TMEM67: variants seen among roughly 807,000 people sequenced by gnomAD.
TMEM67 encodes meckelin.
A neutral mutation model predicts 136.6 loss-of-function variants in TMEM67; 124 were observed. The observed-to-expected ratio is 0.91, with a 90% CI of 0.78 to 1.05. The LOEUF (loss-of-function observed/expected upper bound fraction) is 1.05. Ranked by LOEUF, TMEM67 falls within the 50% of genes least tolerant of loss-of-function variation. The pLI is 0.00. For synonymous variants in TMEM67, 364 were observed against 390.5 expected (o/e 0.93, Z 0.80); for missense variants, 1,107 against 1,178.4 (o/e 0.94, Z 0.89).
chr8:93,792,343 T>C (rs924010808), intron 15 of TMEM67, among the ~76,000 whole-genome samples: 5 of 151,980 alleles, frequency 3.3e-5, no homozygotes, highest in African/African-American at 1.2e-4. Flanking sequence ...AGCTAATTTT[T>C]TAATATTTTT....
Position 93,780,923 on chromosome 8 carries a change from C to A in TMEM67, c.919C>A (p.Pro307Thr). 6.2e-7 allele frequency: 1 copy of A among 1,612,406 alleles called. No homozygotes were observed. Among genetic ancestry groups the A allele is most frequent in the Non-Finnish European group, 8.5e-7 (1 of 1,179,840 alleles). The change falls in exon 9 of 28, where the codon CCT (proline) becomes ACT (threonine). Residue 307 changes from proline (P) to threonine (T), a missense_variant. Physicochemically the swap from Pro to Thr is conservative, Grantham distance 38 (BLOSUM62 -1). This residue lies in a region of TMEM67 where 925 missense variants were observed against 1,002.4 expected (regional missense o/e 0.92). Coordinates refer to ENST00000453321, the MANE Select transcript of TMEM67 (RefSeq NM_153704.6). ...TTATGGAGACCAGTTAGGATTAGCA[C>A]CTCAAGTGCTCAGTTCTACCTCTCT... ...LFYGDQLGLA[P>T]QVLSSTSLPT...
chr8:93,765,782 T>C, intron 6 of TMEM67, 136 bp downstream of exon 6: 1 of 705,826 alleles, frequency 1.4e-6, no homozygotes, highest in South Asian at 1.6e-5. Flanking sequence ...TAAGAAACAT[T>C]AGTCTAATAA....
intron 4 of TMEM67, 83 bp from the exon 5 acceptor site, chr8:93,765,323 C>G: frequency 9.4e-7 from 1 of 1,068,802 alleles, no homozygotes; most frequent in East Asian, 2.6e-5. Context: ...CTACTCTAAT[C>G]CATTGTTTAG....
At chr8:93,822,922 T>C (rs1453597496), downstream of TMEM67, among the ~76,000 whole-genome samples, 1 of 152,238 alleles carries the variant, frequency 6.6e-6, no homozygotes, top group Non-Finnish European at 1.5e-5. Flanking sequence ...CAAACTCTTA[T>C]CTAAAGTATA....
the TMEM67 span, among the ~76,000 whole-genome samples, chr8:93,827,996 C>G: frequency 3.3e-5 from 5 of 152,112 alleles, no homozygotes; most frequent in African/African-American, 1.2e-4. Flanking sequence ...CCTGGAGATG[C>G]AGGAGCGTGA....
At chr8:93,787,513 A>G (rs959343100) in intron 13 of TMEM67, among the ~76,000 whole-genome samples, 4 of 152,168 alleles carry the variant, frequency 2.6e-5, no homozygotes, top group African/African-American at 9.7e-5. Flanking sequence ...ATTATTCCTC[A>G]AAGATAGTTT....
At chr8:93,775,690 C>G (rs1265923992) in intron 7 of TMEM67, among the ~76,000 whole-genome samples, 1 of 152,202 alleles carries the variant, frequency 6.6e-6, no homozygotes, top group African/African-American at 2.4e-5. Flanking sequence ...TCTGAGGCCT[C>G]TGTTCTGTTC....
intron 16 of TMEM67, chr8:93,795,164 T>A: frequency 1.8e-6 from 1 of 562,892 alleles, no homozygotes; most frequent in Admixed American, 3.1e-5. Flanking sequence ...TTCAATTTTC[T>A]TAGATAGTGA....
intron 26 of TMEM67, among the ~76,000 whole-genome samples, chr8:93,813,338 C>G (rs905224336): frequency 2.6e-5 from 4 of 152,126 alleles, no homozygotes; most frequent in Non-Finnish European, 5.9e-5. Flanking sequence ...GCCACCACAC[C>G]TGGCTAATTT....
At chr8:93,804,310 CTTTTTTTTTT>C (rs1182297223) in intron 22 of TMEM67, among the ~76,000 whole-genome samples, 3 of 93,810 alleles carry the variant, frequency 3.2e-5, no homozygotes, top group Admixed American at 1.3e-4. Context: ...CTTTTCTTTT[CTTTTTTTTTT>C]TTTTTTTTTT....
intron 5 of TMEM67, 43 bp from the exon 6 acceptor site, chr8:93,765,529 C>T (rs751678712): frequency 3.2e-6 from 5 of 1,583,188 alleles, no homozygotes; most frequent in Non-Finnish European, 4.3e-6. Flanking sequence ...GTTGCTTATG[C>T]CTTTTCATAA....
chr8:93,808,445 T>C (rs1393396665), intron 23 of TMEM67, among the ~76,000 whole-genome samples: 1 of 10,296 alleles, frequency 9.7e-5, no homozygotes, highest in African/African-American at 4.6e-4. Flanking sequence ...TATATATTTA[T>C]TATATATAAA....
intron 20 of TMEM67, among the ~76,000 whole-genome samples, chr8:93,798,642 GGTCT>G (rs1031479653): frequency 3.1e-4 from 47 of 152,120 alleles, no homozygotes; most frequent in African/African-American, 1.0e-3. Context: ...TTAACTCTTA[GGTCT>G]GTCTGTCTGC....
intron 21 of TMEM67, 59 bp downstream of exon 21, chr8:93,799,817 C>G: frequency 7.2e-7 from 1 of 1,392,982 alleles, no homozygotes; most frequent in Non-Finnish European, 1.0e-6. Context: ...ATAACTCTGC[C>G]TAATTACTGA....
downstream of TMEM67, among the ~76,000 whole-genome samples, chr8:93,819,756 C>T (rs566655979): frequency 7.2e-5 from 11 of 152,216 alleles, no homozygotes; most frequent in East Asian, 1.5e-3. Context: ...TGGGGCACTA[C>T]GGGCAGTTTG....
chr8:93,812,149 CAAA>C (rs563320603), intron 26 of TMEM67, among the ~76,000 whole-genome samples: 3 of 77,128 alleles, frequency 3.9e-5, no homozygotes, highest in Non-Finnish European at 5.4e-5. Flanking sequence ...AACTCTGTCT[CAAA>C]AAAAAAAAAA....
chr8:93,782,571 G>GTTT (rs1238113432), intron 11 of TMEM67, 111 bp downstream of exon 11: 517 of 462,668 alleles, frequency 1.1e-3, no homozygotes, highest in Middle Eastern at 2.6e-3. Flanking sequence ...TTTATTCTTG[G>GTTT]TTTTTTTTTT....
chr8:93,822,504 GT>G (rs913046718), downstream of TMEM67, among the ~76,000 whole-genome samples: 6 of 152,208 alleles, frequency 3.9e-5, no homozygotes, highest in African/African-American at 1.4e-4. Flanking sequence ...GCAGATGGCA[GT>G]GGAGTGCACA....
chr8:93,755,191 C>A, intron 1 of TMEM67, 54 bp downstream of exon 1: 1 of 1,484,586 alleles, frequency 6.7e-7, no homozygotes, highest in Non-Finnish European at 9.4e-7. Flanking sequence ...CCTTGGTCGG[C>A]CCCTAGTCCC....
Sources: gnomAD v4.1 joint callset for allele counts (sites outside exome capture counted in the v4.1 genomes callset) on GRCh38, gnomAD v4.1.1 for gene constraint, gnomAD v4.1.1 regional missense constraint, MANE v1.5 for transcripts, NCBI Gene and HGNC (gene_info 2026-07-23, HGNC 2026-07-21) for gene names.